The following RRM2 variants were observed in gnomAD, a reference collection of about 807,000 sequenced individuals.
RRM2 encodes the protein ribonucleotide reductase regulatory subunit M2, also known as ribonucleoside-diphosphate reductase subunit M2.
RRM2 carries 6 observed loss-of-function variants against 45.9 expected under a neutral mutation model. The observed-to-expected ratio is 0.13, with a 90% CI of 0.07 to 0.26. The LOEUF (loss-of-function observed/expected upper bound fraction) is 0.26, where lower values mean the gene tolerates loss of function less well. Among genes scored for constraint, RRM2 ranks in the 10% least tolerant of loss-of-function variants. RRM2 has a pLI of 1.00. For missense variants in RRM2, 343 were observed against 489.5 expected (o/e 0.70, Z 2.82); for synonymous variants, 177 against 173.0 (o/e 1.02, Z -0.18).
At chr2:10,189,499 A>G (rs543644074) in intron 3 of RRM2, among the ~76,000 whole-genome samples, 180 of 152,318 alleles carry the variant, frequency 1.2e-3, no homozygotes, top group African/African-American at 4.3e-3. Context: ...GGCCAGGCCA[A>G]TGAGCCCACC....
intron 3 of RRM2, among the ~76,000 whole-genome samples, chr2:10,161,160 C>G (rs6728484): frequency 0.021 from 3,173 of 152,228 alleles, 113 homozygotes; most frequent in African/African-American, 0.072. Flanking sequence ...CAGACTCAAG[C>G]AATCCTCCCA....
At chr2:10,141,872 G>T in exon 2 of RRM2, 2 of 1,565,200 alleles carry the variant, frequency 1.3e-6, no homozygotes, top group Admixed American at 3.8e-5. Flanking sequence ...AGACCGTGAA[G>T]TGCAAAGCAG....
downstream of RRM2, chr2:10,131,448 A>C (rs1004208008): frequency 6.6e-6 from 1 of 152,206 alleles, no homozygotes; most frequent in African/African-American, 2.4e-5. Context: ...ATTTTAATTC[A>C]GGAAGAGAAA....
At chr2:10,210,152 G>A (rs936259645) in intron 3 of RRM2, among the ~76,000 whole-genome samples, 1 of 152,168 alleles carries the variant, frequency 6.6e-6, no homozygotes, top group Non-Finnish European at 1.5e-5. Flanking sequence ...ATCTCTCTGT[G>A]GACCTTTCTC....
rs1404612437 is a variant in RRM2 at position 10,185,088 on chromosome 2, C to T, written n.483-25223C>T. ...TATTTATAGCAAATCCTGTAGGATGCGGTAGATTTGGAAGATTTCTGTGAT... is the reference window on the plus strand; with the variant it reads ...TATTTATAGCAAATCCTGTAGGATGTGGTAGATTTGGAAGATTTCTGTGAT... On this transcript the variant is annotated intron_variant and non_coding_transcript_variant, in intron 3 of 3. Transcript: ENST00000381786. The surrounding 1 kb of genome is among the most constrained non-coding windows in gnomAD (Gnocchi z 4.3). Among the ~76,000 whole-genome samples the T allele has an allele frequency of 1.3e-5, 2 of 152,294 alleles. No individual in the cohort carries two copies. The highest frequency in any genetic ancestry group is 2.1e-4 in the South Asian group (1 of 4,822).
downstream of RRM2, among the ~76,000 whole-genome samples, chr2:10,134,395 G>A (rs1047420770): frequency 2.0e-5 from 3 of 152,082 alleles, no homozygotes; most frequent in Non-Finnish European, 2.9e-5. Flanking sequence ...GACCAAAACC[G>A]TGGCATAAAG....
intron 3 of RRM2, among the ~76,000 whole-genome samples, chr2:10,146,950 C>A (rs149939010): frequency 0.023 from 3,546 of 152,040 alleles, 56 homozygotes; most frequent in Non-Finnish European, 0.035. Context: ...ACTTTAGTTT[C>A]TTTATTTATT....
chr2:10,156,896 G>T (rs1274752463), intron 3 of RRM2, among the ~76,000 whole-genome samples: 1 of 152,018 alleles, frequency 6.6e-6, no homozygotes, highest in Non-Finnish European at 1.5e-5. Context: ...GCCTCCCCTT[G>T]GGCTCCCAAA....
chr2:10,123,935 T>C lies in RRM2; in HGVS notation c.435+83T>C. On this transcript the variant is annotated intron_variant, in intron 4 of 9. Transcript: ENST00000304567. ...TTCGCTTTCCTCGTCTTGTATGTTTTTCCATGCTGAGTGCATCTGTGTGTG... is the reference window on the plus strand; with the variant it reads ...TTCGCTTTCCTCGTCTTGTATGTTTCTCCATGCTGAGTGCATCTGTGTGTG... 6 of 797,348 alleles carry C rather than the reference T, an allele frequency of 7.5e-6. No homozygotes were observed. The South Asian group carries it at 8.7e-5, about 12-fold the overall frequency. 49.4% of individuals were successfully genotyped at this position (797,348 alleles called of 1,614,324 possible).
intron 3 of RRM2, among the ~76,000 whole-genome samples, chr2:10,176,674 G>A (rs372198684): frequency 2.0e-5 from 3 of 152,326 alleles, no homozygotes; most frequent in African/African-American, 7.2e-5. Context: ...TCATCAATGT[G>A]TACAGCACAA....
rs181847840 is a variant in RRM2 at position 10,128,023 on chromosome 2, G to T, written c.798+803G>T. Among the ~76,000 whole-genome samples, 412 of 151,876 alleles carry T rather than the reference G, an allele frequency of 2.7e-3. 3 individuals carry two copies. Among genetic ancestry groups the T allele is most frequent in the African/African-American group, 9.4e-3 (391 of 41,438 alleles). On this transcript the variant is annotated intron_variant, in intron 7 of 9. Transcript: ENST00000304567. ...CTACTAAAAATACAAAAAATTAGCCGGGTATGGTGGACGTGCCTATTGTCC... is the reference window on the plus strand; with the variant it reads ...CTACTAAAAATACAAAAAATTAGCCTGGTATGGTGGACGTGCCTATTGTCC...
downstream of RRM2, among the ~76,000 whole-genome samples, chr2:10,133,234 T>A (rs1662931534): frequency 6.6e-6 from 1 of 152,186 alleles, no homozygotes; most frequent in South Asian, 2.1e-4. Context: ...TCCAGATGTG[T>A]TTTCTGGTGT....
intron 3 of RRM2, among the ~76,000 whole-genome samples, chr2:10,163,482 C>T (rs1663611540): frequency 6.6e-6 from 1 of 152,214 alleles, no homozygotes; most frequent in South Asian, 2.1e-4. Context: ...TCCCCTCAGT[C>T]CAGTGAGGGT....
At chr2:10,154,911 G>C (rs1643440038) in intron 3 of RRM2, among the ~76,000 whole-genome samples, 1 of 151,874 alleles carries the variant, frequency 6.6e-6, no homozygotes, top group Admixed American at 6.6e-5. Flanking sequence ...GGCCAGGCTG[G>C]TCTTGAACTC....
rs1664650380 is a variant in RRM2 at position 10,205,755 on chromosome 2, A to G, written n.483-4556A>G. ...CACCCAGGCTGGAGTGCAATGGTGC[A>G]ATCTCCGCTCACTGCAACCTCTGCC... is the stretch of plus-strand genomic sequence containing the variant. On this transcript the variant is annotated intron_variant and non_coding_transcript_variant, in intron 3 of 3. Transcript: ENST00000381786. The surrounding 1 kb of genome is among the most constrained non-coding windows in gnomAD (Gnocchi z 4.8). Among the ~76,000 whole-genome samples the G allele has an allele frequency of 6.6e-6, 1 of 151,870 alleles. No homozygotes were observed. The highest frequency in any genetic ancestry group is 2.0e-4 in the East Asian group (1 of 5,128).
chr2:10,136,253 C>G (rs969870392), downstream of RRM2, among the ~76,000 whole-genome samples: 1 of 152,212 alleles, frequency 6.6e-6, no homozygotes, highest in Non-Finnish European at 1.5e-5. Context: ...GGTTGAGGCC[C>G]AGATGATACC....
At chr2:10,193,582 G>T (rs1664354655) in intron 3 of RRM2, among the ~76,000 whole-genome samples, 1 of 152,252 alleles carries the variant, frequency 6.6e-6, no homozygotes. Context: ...CTCTGCTCGT[G>T]TGGGCACAGC....
At chr2:10,191,214 C>T (rs1007913231) in intron 3 of RRM2, among the ~76,000 whole-genome samples, 3 of 152,218 alleles carry the variant, frequency 2.0e-5, no homozygotes, top group Admixed American at 6.5e-5. Context: ...TGCCTATCAG[C>T]CCCTAGGGGT....
At position 10,126,986 on chromosome 2, in the gene RRM2, C is replaced by T. The variant is rs934178425; in HGVS notation, c.664+17C>T. ...CTACCTATGGTAAGGAGACCCTTGC[C>T]CCTACTTAAACCTGAGCTTCATTTT... On this transcript the variant is annotated intron_variant, in intron 6 of 9. Coordinates refer to ENST00000304567, the MANE Select transcript of RRM2 (RefSeq NM_001034.4). The T allele has an allele frequency of 3.1e-6, 5 of 1,613,226 alleles. No individual in the cohort carries two copies. Among genetic ancestry groups the T allele is most frequent in the South Asian group, 2.2e-5 (2 of 90,996 alleles).
Sources: allele counts gnomAD v4.1 joint callset (sites outside exome capture counted in the v4.1 genomes callset), GRCh38; gene constraint gnomAD v4.1.1; non-coding constraint Gnocchi (gnomAD v3.1); transcripts MANE v1.5; gene names NCBI Gene and HGNC (gene_info 2026-07-23, HGNC 2026-07-21).